Variants in RECQL observed in about 807,000 individuals in gnomAD.
RECQL encodes ATP-dependent DNA helicase Q1.
A neutral mutation model predicts 75.8 loss-of-function variants in RECQL; 73 were observed. The ratio of observed to expected loss-of-function variants is 0.96; its 90% CI spans 0.80 to 1.17. The LOEUF (loss-of-function observed/expected upper bound fraction) is 1.17, where lower values mean the gene tolerates loss of function less well. Among genes scored for constraint, RECQL ranks in the 50% most tolerant of loss-of-function variants. RECQL has a pLI of 0.00. For missense variants in RECQL, 699 were observed against 772.1 expected, an observed-to-expected ratio of 0.91 and a Z score of 1.12; for synonymous variants, 248 against 254.4, an observed-to-expected ratio of 0.97 and a Z score of 0.24.
At chr12:21,491,837 G>C (rs1943421284) in intron 2 of RECQL, 121 bp from the exon 3 acceptor site, 2 of 861,438 alleles carry the variant, frequency 2.3e-6, no homozygotes, top group African/African-American at 3.4e-5. Flanking sequence ...TAGTATAGCA[G>C]AATGGTTATG....
In RECQL at chr12:21,501,348, T is replaced by G. The variant is rs577282457; in HGVS notation, c.-224A>C. On this transcript the variant is annotated 5_prime_UTR_variant, in exon 1 of 15. Transcript: ENST00000444129. Reference sequence around the variant, plus strand: ...CCGCCAATGTGTGGGCGAAAGGAAGTGATCCGCTACAGACCGGCCTCGCCC... The same window carrying G: ...CCGCCAATGTGTGGGCGAAAGGAAGGGATCCGCTACAGACCGGCCTCGCCC... The G allele has an allele frequency of 6.6e-6, 1 of 152,324 alleles. No individual in the cohort carries two copies. Among genetic ancestry groups the G allele is most frequent in the Non-Finnish European group, 1.5e-5 (1 of 68,184 alleles). The allele number at this position is 152,324 out of a possible 1,614,324, so 9.4% of individuals were successfully genotyped here. A position where few individuals can be genotyped will look rare whatever the true frequency, so the allele number is the denominator to read the frequency against.
chr12:21,498,780 C>T (rs538916809), intron 2 of RECQL, among the ~76,000 whole-genome samples: 1 of 152,224 alleles, frequency 6.6e-6, no homozygotes, highest in South Asian at 2.1e-4. Flanking sequence ...CCCCACCAAG[C>T]AAAGACCCAT....
chr12:21,479,756 G>C (rs901950737), intron 6 of RECQL, among the ~76,000 whole-genome samples: 3 of 152,128 alleles, frequency 2.0e-5, no homozygotes, highest in African/African-American at 7.2e-5. Flanking sequence ...CCAGTTAAAA[G>C]ATGGCAGTAA....
chr12:21,493,034 A>G (rs556472709), intron 2 of RECQL, among the ~76,000 whole-genome samples: 5 of 152,310 alleles, frequency 3.3e-5, no homozygotes, highest in East Asian at 1.9e-4. Flanking sequence ...CCATGATCAC[A>G]TAAGTTTTAA....
intron 10 of RECQL, 70 bp from the exon 11 acceptor site, chr12:21,475,049 G>A (rs1943056492): frequency 6.7e-6 from 10 of 1,483,752 alleles, no homozygotes; most frequent in Non-Finnish European, 9.2e-6. Flanking sequence ...AATGACATAT[G>A]GTAAAATTAG....
intron 14 of RECQL, 159 bp from the exon 15 acceptor site, chr12:21,470,505 T>G (rs1942922010): frequency 1.9e-6 from 2 of 1,027,896 alleles, no homozygotes; most frequent in South Asian, 4.0e-5. Flanking sequence ...TATTCAAATA[T>G]GAGCTCTATT....
In RECQL at chr12:21,476,924, G is replaced by A; in HGVS notation, c.936C>T (p.Tyr312=). Residue 312 remains tyrosine, a synonymous_variant, in exon 8 of 15, where the codon TAC becomes TAT. Transcript: ENST00000444129. ...EDIVKLINGR[Y]KGQSGIIYCF... Reference sequence around the variant, plus strand: ...TTTTTACATTACCTGATTGCCCTTTGTATCTCCCATTAATGAGCTTTACAA... The same window carrying A: ...TTTTTACATTACCTGATTGCCCTTTATATCTCCCATTAATGAGCTTTACAA... 1.2e-6 allele frequency: 2 copies of A among 1,606,262 alleles called. No homozygotes were observed. Among genetic ancestry groups the A allele is most frequent in the Non-Finnish European group, 1.7e-6 (2 of 1,176,294 alleles).
chr12:21,486,145 A>C lies in RECQL; in HGVS notation c.501+334T>G, dbSNP rs552087277. ...TACTCCACTGTGCCATTATACTGTAAAAGCAGCCATAGACAACATGTCAAC... is the reference window on the plus strand; with the variant it reads ...TACTCCACTGTGCCATTATACTGTACAAGCAGCCATAGACAACATGTCAAC... On this transcript the variant is annotated intron_variant, in intron 5 of 14. Transcript: ENST00000444129. 3.3e-5 allele frequency among the ~76,000 whole-genome samples: 5 copies of C among 152,328 alleles called. No individual in the cohort carries two copies. The East Asian group carries it at 9.6e-4, about 29-fold the overall frequency.
In RECQL at chr12:21,473,632, CACG is replaced by C. The variant is rs750279410; in HGVS notation, c.1363_1365del (p.Arg455del). 6.9e-5 allele frequency: 111 copies of C among 1,612,044 alleles called. No homozygotes were observed. The highest frequency in any genetic ancestry group is 1.1e-4 in the African/African-American group (8 of 74,818). ...TCATCAAAATGTTGAGCCATCAACA[CACG>C]ACGACATCTGCAAACACATTTAAAG... On this transcript the variant is annotated inframe_deletion, in exon 12 of 15. Transcript: ENST00000444129.
At chr12:21,487,635 T>C (rs1943330878) in intron 4 of RECQL, among the ~76,000 whole-genome samples, 1 of 152,186 alleles carries the variant, frequency 6.6e-6, no homozygotes, top group African/African-American at 2.4e-5. Context: ...CACTTTTCCT[T>C]ACTAGCACCT....
At chr12:21,491,799 GC>G in intron 2 of RECQL, 83 bp from the exon 3 acceptor site, 1 of 1,232,628 alleles carries the variant, frequency 8.1e-7, no homozygotes, top group South Asian at 1.5e-5. Flanking sequence ...GGTGTTGCCC[GC>G]CATATCAATT....
intron 4 of RECQL, 102 bp from the exon 5 acceptor site, chr12:21,486,687 T>TC (rs1491355154): frequency 1.4e-6 from 1 of 737,672 alleles, no homozygotes; most frequent in African/African-American, 2.2e-5. Flanking sequence ...TTTTTTTTTT[T>TC]AGAGATGGAG....
chr12:21,473,634 C>G lies in RECQL; in HGVS notation c.1364G>C (p.Arg455Pro), dbSNP rs778148225. 6.8e-6 allele frequency: 11 copies of G among 1,611,568 alleles called. No homozygotes were observed. The highest frequency in any genetic ancestry group is 3.3e-4 in the Middle Eastern group (2 of 6,050). ...SYCQNISKCR[R>P]VLMAQHFDEV... ...ATCAAAATGTTGAGCCATCAACACA[C>G]GACGACATCTGCAAACACATTTAAA... The change falls in exon 12 of 15, where the codon CGT becomes CCT. Residue 455 changes from arginine (R) to proline (P), a missense_variant. By Grantham distance (103) the Arg-to-Pro change is moderately radical. Coordinates refer to ENST00000444129, the MANE Select transcript of RECQL (RefSeq NM_002907.4).
intron 11 of RECQL, 96 bp from the exon 12 acceptor site, chr12:21,473,738 C>T (rs1051208784): frequency 4.5e-6 from 4 of 888,614 alleles, no homozygotes; most frequent in Non-Finnish European, 6.9e-6. Context: ...GTATTAGCTT[C>T]CTATAACTGC....
Position 21,491,779 on chromosome 12 carries a change from T to C in RECQL, c.17-63A>G, listed in dbSNP as rs2136756838. Reference sequence around the variant, plus strand: ...TAAATTACAACTTTAGGTTTCCAGATTGATTTCTGGGTGTTGCCCGCCATA... The same window carrying C: ...TAAATTACAACTTTAGGTTTCCAGACTGATTTCTGGGTGTTGCCCGCCATA... On this transcript the variant is annotated intron_variant, in intron 2 of 14. Transcript: ENST00000444129. The C allele has an allele frequency of 5.6e-6, 8 of 1,421,024 alleles. No homozygotes were observed. The South Asian group carries it at 8.1e-5, about 14-fold the overall frequency. 88.0% of individuals were successfully genotyped at this position (1,421,024 alleles called of 1,614,324 possible).
chr12:21,489,455 A>G (rs1943367525), intron 4 of RECQL, among the ~76,000 whole-genome samples: 1 of 152,234 alleles, frequency 6.6e-6, no homozygotes, highest in Admixed American at 6.5e-5. Context: ...TAAAATCAGA[A>G]TCTGCACATA....
intron 5 of RECQL, 59 bp downstream of exon 5, chr12:21,486,420 T>A: frequency 2.0e-6 from 3 of 1,502,320 alleles, no homozygotes; most frequent in Non-Finnish European, 2.7e-6. Context: ...CAACTGCAGG[T>A]AAAGCTCCTA....
intron 10 of RECQL, among the ~76,000 whole-genome samples, chr12:21,475,221 C>G (rs533185066): frequency 9.2e-5 from 14 of 151,972 alleles, no homozygotes; most frequent in Middle Eastern, 3.4e-3. Context: ...TTTGAAATCA[C>G]TAATTAAAAA....
intron 4 of RECQL, among the ~76,000 whole-genome samples, chr12:21,487,495 G>T (rs1297517769): frequency 6.6e-6 from 1 of 152,138 alleles, no homozygotes; most frequent in African/African-American, 2.4e-5. Flanking sequence ...AATTATATAT[G>T]GCTTTACGTT....
Sources: gnomAD v4.1 joint callset for allele counts (sites outside exome capture counted in the v4.1 genomes callset) on GRCh38, gnomAD v4.1.1 for gene constraint, MANE v1.5 for transcripts, NCBI Gene and HGNC (gene_info 2026-07-23, HGNC 2026-07-21) for gene names.